Variants in EPHA5 observed in about 807,000 individuals in gnomAD.
EPHA5 encodes EPH receptor A5, also known as ephrin type-A receptor 5.
Under a neutral mutation model 105.0 loss-of-function variants are expected in EPHA5, and 60 were observed. The ratio of observed to expected loss-of-function variants is 0.57; its 90% CI spans 0.46 to 0.71. EPHA5 has a LOEUF of 0.71. Among genes scored for constraint, EPHA5 ranks in the 30% least tolerant of loss-of-function variants. The pLI is 0.00. For synonymous variants in EPHA5, 513 were observed against 449.1 expected, an observed-to-expected ratio of 1.14 and a Z score of -1.80; for missense variants, 1,218 against 1,274.7, an observed-to-expected ratio of 0.96 and a Z score of 0.68.
chr4:65,331,884 A>C (rs1040246592), intron 16 of EPHA5, 89 bp downstream of exon 16: 3 of 1,494,828 alleles, frequency 2.0e-6, no homozygotes, highest in Non-Finnish European at 2.7e-6. Flanking sequence ...GCAAAGGTTA[A>C]CTGATTTCCC....
In EPHA5 at chr4:65,534,632, A is replaced by G. The variant is rs961083071; in HGVS notation, c.911-39089T>C. On this transcript the variant is annotated intron_variant, in intron 3 of 16. Coordinates refer to ENST00000613740, the MANE Select transcript of EPHA5 (RefSeq NM_001281766.3). ...TATCAATGATATTCCATGCACATGCATAGCATTTACCTTATGGACAATTTT... is the reference window on the plus strand; with the variant it reads ...TATCAATGATATTCCATGCACATGCGTAGCATTTACCTTATGGACAATTTT... Among the ~76,000 whole-genome samples the G allele has an allele frequency of 4.6e-5, 7 of 152,230 alleles. 1 individual carries two copies. Among genetic ancestry groups the G allele is most frequent in the Non-Finnish European group, 2.9e-5 (2 of 68,042 alleles).
chr4:65,490,531 G>A lies in EPHA5; in HGVS notation c.1248C>T (p.Pro416=), dbSNP rs2149213214. 1.2e-6 allele frequency: 2 copies of A among 1,614,044 alleles called. No individual in the cohort carries two copies. Among genetic ancestry groups the A allele is most frequent in the Admixed American group, 3.3e-5 (2 of 60,010 alleles). The change falls in exon 5 of 17, where the codon CCC becomes CCT. Residue 416 remains proline (P), a synonymous_variant. Transcript: ENST00000613740. ...EECGGHVRYL[P]RQSGLKNTSV... ...AGGTGTTTTTCAGGCCGCTTTGCCG[G>A]GGAAGGTACCTGACATGACCGCCAC...
chr4:65,662,669 G>A (rs1400430872), intron 1 of EPHA5, among the ~76,000 whole-genome samples: 2 of 152,108 alleles, frequency 1.3e-5, no homozygotes, highest in Non-Finnish European at 2.9e-5. Flanking sequence ...CAGGGTCATA[G>A]TAAAACAAAT....
chr4:65,562,711 T>C (rs1317168313), intron 3 of EPHA5, among the ~76,000 whole-genome samples: 4 of 152,096 alleles, frequency 2.6e-5, no homozygotes, highest in South Asian at 4.1e-4. Context: ...AAGATTATTG[T>C]ATAGAGCTTC....
chr4:65,661,299 C>A (rs1749539411), intron 1 of EPHA5, among the ~76,000 whole-genome samples: 1 of 151,948 alleles, frequency 6.6e-6, no homozygotes, highest in Admixed American at 6.6e-5. Flanking sequence ...GTCTGTACTT[C>A]CACTGTGACT....
In EPHA5 at chr4:65,576,004, A is replaced by G. The variant is rs147278890; in HGVS notation, c.910+25637T>C. 4.6e-3 allele frequency among the ~76,000 whole-genome samples: 286 copies of G among 62,196 alleles called. 1 individual carries two copies. Among genetic ancestry groups the G allele is most frequent in the African/African-American group, 0.014 (238 of 16,814 alleles). The allele number at this position is 62,196 out of a possible 152,430, so 40.8% of individuals were successfully genotyped here. A position where few individuals can be genotyped will look rare whatever the true frequency, so the allele number is the denominator to read the frequency against. The stretch of plus-strand genomic sequence containing the variant: ...AGAAAGAGAGAGAGAGAGAGAGAGA[A>G]AGAAAGAAAGAAAGAAAGAAAGAAA... On this transcript the variant is annotated intron_variant, in intron 3 of 16. Transcript: ENST00000613740.
At chr4:65,370,534 C>A (rs1718355759) in intron 8 of EPHA5, among the ~76,000 whole-genome samples, 1 of 152,118 alleles carries the variant, frequency 6.6e-6, no homozygotes, top group Non-Finnish European at 1.5e-5. Flanking sequence ...TATTCATCCA[C>A]CTTCAACTCT....
chr4:65,598,102 A>G (rs1743360767), intron 3 of EPHA5, among the ~76,000 whole-genome samples: 1 of 152,182 alleles, frequency 6.6e-6, no homozygotes, highest in Admixed American at 6.5e-5. Flanking sequence ...AAATTCTAAT[A>G]TAGTTTGGTT....
At chr4:65,523,744 T>A (rs1052235430) in intron 3 of EPHA5, among the ~76,000 whole-genome samples, 1 of 151,946 alleles carries the variant, frequency 6.6e-6, no homozygotes, top group East Asian at 1.9e-4. Context: ...CCTCTTGATT[T>A]TTTTAGTTGC....
intron 14 of EPHA5, among the ~76,000 whole-genome samples, chr4:65,340,297 A>C (rs1721589111): frequency 6.6e-6 from 1 of 152,174 alleles, no homozygotes; most frequent in South Asian, 2.1e-4. Flanking sequence ...ATATATAGTC[A>C]GAGACTTCTG....
At chr4:65,494,147 C>T (rs1310642271) in intron 4 of EPHA5, among the ~76,000 whole-genome samples, 1 of 152,020 alleles carries the variant, frequency 6.6e-6, no homozygotes, top group Non-Finnish European at 1.5e-5. Context: ...ATCATCTAAC[C>T]CATGAAATCA....
chr4:65,517,744 G>C (rs943344821), intron 3 of EPHA5, among the ~76,000 whole-genome samples: 1 of 151,530 alleles, frequency 6.6e-6, no homozygotes, highest in African/African-American at 2.4e-5. Flanking sequence ...TTTTCTTTTT[G>C]CCTATACCTC....
chr4:65,466,313 T>C (rs957717440), intron 5 of EPHA5, among the ~76,000 whole-genome samples: 12 of 152,198 alleles, frequency 7.9e-5, no homozygotes, highest in African/African-American at 2.9e-4. Context: ...GAAACAGTCC[T>C]GGAAAGTTCA....
At chr4:65,367,776 G>A (rs1297906411) in intron 8 of EPHA5, among the ~76,000 whole-genome samples, 4 of 151,590 alleles carry the variant, frequency 2.6e-5, no homozygotes, top group Non-Finnish European at 5.9e-5. Context: ...GCCTCTTTCT[G>A]AATGAACTGC....
At chr4:65,614,588 AG>A (rs1164187536) in intron 2 of EPHA5, among the ~76,000 whole-genome samples, 1 of 151,840 alleles carries the variant, frequency 6.6e-6, no homozygotes, top group Non-Finnish European at 1.5e-5. Flanking sequence ...GGATATCACA[AG>A]CTCTTAATAA....
At chr4:65,481,546 A>G (rs1730364968) in intron 5 of EPHA5, among the ~76,000 whole-genome samples, 1 of 152,208 alleles carries the variant, frequency 6.6e-6, no homozygotes, top group South Asian at 2.1e-4. Flanking sequence ...TACTTTATTT[A>G]AGGTGGTTAA....
intron 5 of EPHA5, among the ~76,000 whole-genome samples, chr4:65,456,406 G>A (rs563210800): frequency 1.2e-3 from 189 of 151,844 alleles, no homozygotes; most frequent in African/African-American, 4.2e-3. Flanking sequence ...GCATAATGTA[G>A]AAGCTGATCT....
chr4:65,518,299 A>T (rs927997960), intron 3 of EPHA5, among the ~76,000 whole-genome samples: 5 of 151,670 alleles, frequency 3.3e-5, no homozygotes, highest in Admixed American at 6.6e-5. Context: ...GATGATTTTA[A>T]GATGTCTTAC....
At chr4:65,621,545 A>G (rs998277412) in intron 2 of EPHA5, among the ~76,000 whole-genome samples, 3 of 152,200 alleles carry the variant, frequency 2.0e-5, no homozygotes, top group African/African-American at 7.2e-5. Context: ...CAATGTATAT[A>G]GTACTTTGTA....
Sources: allele counts gnomAD v4.1 joint callset (sites outside exome capture counted in the v4.1 genomes callset), GRCh38; gene constraint gnomAD v4.1.1; transcripts MANE v1.5; gene names NCBI Gene and HGNC (gene_info 2026-07-23, HGNC 2026-07-21).